NOS1AP: variants seen among roughly 807,000 people sequenced by gnomAD.
NOS1AP encodes carboxyl-terminal PDZ ligand of neuronal nitric oxide synthase protein.
NOS1AP carries 21 observed loss-of-function variants against 56.2 expected under a neutral mutation model. That is an observed-to-expected ratio of 0.37 (90% CI 0.26 to 0.54). The LOEUF (loss-of-function observed/expected upper bound fraction) is 0.54, where lower values mean the gene tolerates loss of function less well. NOS1AP is among the 20% of genes least tolerant of loss of function. NOS1AP has a pLI of 0.84. For synonymous variants in NOS1AP, 270 were observed against 274.6 expected (o/e 0.98, Z 0.17); for missense variants, 522 against 657.8 (o/e 0.79, Z 2.26).
intron 4 of NOS1AP, among the ~76,000 whole-genome samples, chr1:162,332,540 A>T (rs1007885998): frequency 6.6e-6 from 1 of 152,186 alleles, no homozygotes; most frequent in African/African-American, 2.4e-5. Flanking sequence ...AGAGAGTGGG[A>T]TCACTATCAC....
chr1:162,251,857 G>GT (rs771192069), intron 2 of NOS1AP, among the ~76,000 whole-genome samples: 40,840 of 99,606 alleles, frequency 0.41, 10,071 homozygotes, highest in Non-Finnish European at 0.54. Context: ...CTAGCTAGTT[G>GT]TTTTTTTTTT....
At chr1:162,187,211 C>G (rs1415254) in intron 2 of NOS1AP, among the ~76,000 whole-genome samples, 74,380 of 151,978 alleles carry the variant, frequency 0.49, 20,606 homozygotes, top group East Asian at 0.76. Flanking sequence ...AAGTGATCCA[C>G]CCGCCTAGGC....
chr1:162,310,454 T>G (rs2101765733), intron 4 of NOS1AP, among the ~76,000 whole-genome samples: 1 of 152,380 alleles, frequency 6.6e-6, no homozygotes, highest in South Asian at 2.1e-4. Context: ...TCTTTCTAAC[T>G]TCTCATATCA....
intron 4 of NOS1AP, among the ~76,000 whole-genome samples, chr1:162,321,681 C>T (rs1282925061): frequency 2.0e-5 from 3 of 149,044 alleles, no homozygotes; most frequent in Non-Finnish European, 4.4e-5. Context: ...AACAAACCTG[C>T]ACGTTGTGCA....
chr1:162,112,370 T>G (rs1322896243), intron 1 of NOS1AP, among the ~76,000 whole-genome samples: 2 of 152,168 alleles, frequency 1.3e-5, no homozygotes. Flanking sequence ...TGGCCTCTAG[T>G]GGAGGGTATA....
intron 2 of NOS1AP, among the ~76,000 whole-genome samples, chr1:162,233,855 C>G (rs1274899254): frequency 6.6e-6 from 1 of 152,206 alleles, no homozygotes; most frequent in Non-Finnish European, 1.5e-5. Flanking sequence ...CTTCTCCATG[C>G]TCCTGAATAC....
Position 162,261,533 on chromosome 1 carries a change from A to AAGAGAG in NOS1AP, c.178-25811_178-25810insAGAGAG, listed in dbSNP as rs1557853986. The stretch of plus-strand genomic sequence containing the variant: ...GAGAGAGAGAGAGAGAGAGAGAGAG[A>AAGAGAG]GAGAGAGAGAGAGCAATGAAATGAC... On this transcript the variant is annotated intron_variant, in intron 2 of 9. Transcript: ENST00000361897. 5.6e-4 allele frequency among the ~76,000 whole-genome samples: 5 copies of AAGAGAG among 8,894 alleles called. 2 individuals are homozygous for AAGAGAG. The highest frequency in any genetic ancestry group is 1.4e-3 in the African/African-American group (5 of 3,586). The allele number at this position is 8,894 out of a possible 152,430, so 5.8% of individuals were successfully genotyped here.
intron 2 of NOS1AP, among the ~76,000 whole-genome samples, chr1:162,240,654 T>G (rs1653462483): frequency 6.6e-6 from 1 of 152,210 alleles, no homozygotes; most frequent in Admixed American, 6.5e-5. Flanking sequence ...AGCGTGTTAT[T>G]TGGCAGCTTT....
intron 2 of NOS1AP, among the ~76,000 whole-genome samples, chr1:162,242,976 CCTATATACGCAT>C (rs933598249): frequency 2.8e-5 from 4 of 143,704 alleles, no homozygotes; most frequent in Non-Finnish European, 4.6e-5. Context: ...GAGCTCCTCC[CCTATATACGCAT>C]ACCCATGTAT....
At chr1:162,304,961 T>A (rs1159834616) in intron 4 of NOS1AP, among the ~76,000 whole-genome samples, 1 of 152,188 alleles carries the variant, frequency 6.6e-6, no homozygotes, top group African/African-American at 2.4e-5. Context: ...ATTCACTAGC[T>A]CTGCTGAAGA....
At chr1:162,083,564 T>A (rs1321654869) in intron 1 of NOS1AP, among the ~76,000 whole-genome samples, 1 of 152,188 alleles carries the variant, frequency 6.6e-6, no homozygotes, top group African/African-American at 2.4e-5. Flanking sequence ...TTAATGTGGC[T>A]AGATTTCTTA....
At chr1:162,135,804 C>T (rs561226774) in intron 1 of NOS1AP, among the ~76,000 whole-genome samples, 9 of 152,212 alleles carry the variant, frequency 5.9e-5, no homozygotes, top group African/African-American at 7.2e-5. Flanking sequence ...TAGTGGACCA[C>T]GTTTCATTTG....
At chr1:162,162,011 T>C (rs1475886093) in intron 2 of NOS1AP, among the ~76,000 whole-genome samples, 2 of 152,240 alleles carry the variant, frequency 1.3e-5, no homozygotes, top group Non-Finnish European at 1.5e-5. Flanking sequence ...TTTAGGAATG[T>C]ATGTTCAAGT....
At chr1:162,223,964 G>T (rs551654457) in intron 2 of NOS1AP, among the ~76,000 whole-genome samples, 1 of 152,280 alleles carries the variant, frequency 6.6e-6, no homozygotes, top group South Asian at 2.1e-4. Context: ...ATGGATCATG[G>T]ATAATACATT....
At chr1:162,358,173 T>C (rs951201580) in intron 8 of NOS1AP, among the ~76,000 whole-genome samples, 7 of 152,194 alleles carry the variant, frequency 4.6e-5, no homozygotes, top group Admixed American at 6.5e-5. Context: ...CTTATTGCTC[T>C]CTGTTATGTC....
intron 1 of NOS1AP, among the ~76,000 whole-genome samples, chr1:162,118,302 C>T (rs1414138242): frequency 6.6e-6 from 1 of 152,144 alleles, no homozygotes; most frequent in South Asian, 2.1e-4. Flanking sequence ...CCCATATGCA[C>T]GTTCATGTGT....
intron 6 of NOS1AP, among the ~76,000 whole-genome samples, chr1:162,346,935 G>A (rs977242656): frequency 6.6e-5 from 10 of 152,190 alleles, no homozygotes; most frequent in African/African-American, 2.4e-4. Context: ...GCAGGCCGTA[G>A]TACTAATGTG....
At chr1:162,195,935 A>G (rs1217898223) in intron 2 of NOS1AP, among the ~76,000 whole-genome samples, 1 of 152,240 alleles carries the variant, frequency 6.6e-6, no homozygotes, top group Non-Finnish European at 1.5e-5. Flanking sequence ...GTCTGGGGCC[A>G]GGTACATAAT....
At chr1:162,198,978 T>A (rs1179337005) in intron 2 of NOS1AP, among the ~76,000 whole-genome samples, 1 of 152,168 alleles carries the variant, frequency 6.6e-6, no homozygotes, top group Non-Finnish European at 1.5e-5. Flanking sequence ...CCCCTCCGCA[T>A]AATGCCCTGC....
Sources: allele counts gnomAD v4.1 joint callset (sites outside exome capture counted in the v4.1 genomes callset), GRCh38; gene constraint gnomAD v4.1.1; transcripts MANE v1.5; gene names NCBI Gene and HGNC (gene_info 2026-07-23, HGNC 2026-07-21).